Variants in ZNF726 observed in about 807,000 individuals in gnomAD.
ZNF726 encodes the protein zinc finger protein 92 pseudogene 3.
ZNF726 carries 15 observed loss-of-function variants against 11.6 expected under a neutral mutation model. That is an observed-to-expected ratio of 1.29 (90% CI 0.86 to 1.99). ZNF726 has a LOEUF of 1.99. ZNF726 is among the 30% of genes most tolerant of loss of function. The pLI, the probability that ZNF726 is intolerant of heterozygous loss-of-function variation, is 0.00. For synonymous variants in ZNF726, 295 were observed against 243.6 expected (o/e 1.21, Z -1.96); for missense variants, 890 against 725.6 (o/e 1.23, Z -2.60).
At chr19:23,943,006 C>G (rs1968362160) in intron 3 of ZNF726, among the ~76,000 whole-genome samples, 1 of 152,032 alleles carries the variant, frequency 6.6e-6, no homozygotes, top group African/African-American at 2.4e-5. Context: ...TGTCTGCATA[C>G]TTTGGTGTTT....
intron 3 of ZNF726, among the ~76,000 whole-genome samples, chr19:23,926,752 C>T (rs1341217585): frequency 1.3e-5 from 2 of 151,880 alleles, no homozygotes; most frequent in Admixed American, 6.6e-5. Flanking sequence ...GATTATTTGG[C>T]CTTACACAGA....
At chr19:23,940,445 G>T (rs547504951) in intron 3 of ZNF726, among the ~76,000 whole-genome samples, 11 of 152,212 alleles carry the variant, frequency 7.2e-5, no homozygotes, top group Admixed American at 2.0e-4. Context: ...GGTGCCTCGA[G>T]ATTTGTTCTT....
chr19:23,934,186 C>CTACACA lies in ZNF726; in HGVS notation c.*222_*227dup. On this transcript the variant is annotated 3_prime_UTR_variant, in exon 4 of 4. Coordinates refer to ENST00000594466, the MANE Select transcript of ZNF726 (RefSeq NM_001244038.2). The stretch of plus-strand genomic sequence containing the variant: ...AGCTTTTAATCATTCTCAAATCTTA[C>CTACACA]TACACATAAGATAATTCATACTGGA... The CTACACA allele has an allele frequency of 1.2e-6, 1 of 806,690 alleles. No individual in the cohort carries two copies. Among genetic ancestry groups the CTACACA allele is most frequent in the Non-Finnish European group, 2.2e-6 (1 of 463,616 alleles). 50.0% of individuals were successfully genotyped at this position (806,690 alleles called of 1,614,324 possible). A position where few individuals can be genotyped will look rare whatever the true frequency, so the allele number is the denominator to read the frequency against.
At chr19:23,944,684 T>A (rs1168914074) in intron 4 of ZNF726, 5 of 201,948 alleles carry the variant, frequency 2.5e-5, no homozygotes, top group Non-Finnish European at 3.9e-5. Flanking sequence ...CTATTTTTAA[T>A]AATAATATAA....
chr19:23,944,314 A>C (rs1968384483), intron 4 of ZNF726: 1 of 152,222 alleles, frequency 6.6e-6, no homozygotes, highest in Non-Finnish European at 1.5e-5. Context: ...TGCAATAAAC[A>C]TTCAAGTATA....
chr19:23,943,988 A>G (rs1378979354), intron 4 of ZNF726: 2 of 153,664 alleles, frequency 1.3e-5, no homozygotes, highest in Non-Finnish European at 2.9e-5. Context: ...TGATATTAAG[A>G]TTTGTTTCAG....
At chr19:23,919,330 C>T (rs370033665) in intron 1 of ZNF726, 43 bp from the exon 2 acceptor site, 17 of 1,588,690 alleles carry the variant, frequency 1.1e-5, no homozygotes, top group Non-Finnish European at 1.4e-5. Context: ...AAATTCTGCC[C>T]ATAGCCACTT....
In ZNF726 at chr19:23,932,383, G is replaced by A. The variant is rs928781540; in HGVS notation, c.267G>A (p.Gln89=). Residue 89 remains glutamine (Q), a synonymous_variant, in exon 4 of 4, where the codon CAG becomes CAA. Coordinates refer to ENST00000594466, the MANE Select transcript of ZNF726 (RefSeq NM_001244038.2). ...TTGCTCAAGACATTTGGCCAGAGCA[G>A]GGCGTGGAAGATTCTTTTCAAAAAG... is the stretch of plus-strand genomic sequence containing the variant. ...PHFAQDIWPE[Q]GVEDSFQKVI... 1 of 1,503,244 alleles carries A rather than the reference G, an allele frequency of 6.7e-7. No homozygotes were observed. The highest frequency in any genetic ancestry group is 8.8e-7 in the Non-Finnish European group (1 of 1,131,542). 93.1% of individuals were successfully genotyped at this position (1,503,244 alleles called of 1,614,324 possible).
At chr19:23,925,409 G>T (rs961887792) in intron 3 of ZNF726, among the ~76,000 whole-genome samples, 1 of 151,980 alleles carries the variant, frequency 6.6e-6, no homozygotes, top group Non-Finnish European at 1.5e-5. Flanking sequence ...GGTCAGGCTG[G>T]TCTCAAACTC....
chr19:23,932,826 C>T lies in ZNF726; in HGVS notation c.710C>T (p.Ala237Val), dbSNP rs550635996. ...KPYKCEEYGK[A>V]FNQSSNYTTH... ...TACAAATGTGAAGAATATGGCAAAGCTTTTAATCAATCCTCAAATTATACT... is the reference window on the plus strand; with the variant it reads ...TACAAATGTGAAGAATATGGCAAAGTTTTTAATCAATCCTCAAATTATACT... The change falls in exon 4 of 4, where the codon GCT becomes GTT. Residue 237 changes from alanine to valine, a missense_variant. Physicochemically the swap from Ala to Val is moderately conservative, Grantham distance 64. Transcript: ENST00000594466. 1.9e-6 allele frequency: 3 copies of T among 1,607,282 alleles called. No homozygotes were observed. The Admixed American group carries it at 5.1e-5, about 27-fold the overall frequency.
chr19:23,935,272 T>A (rs755481187), downstream of ZNF726: 2 of 486,686 alleles, frequency 4.1e-6, no homozygotes, highest in Non-Finnish European at 8.3e-6. Context: ...CATAAGGTAA[T>A]TCATACTGGA....
At chr19:23,943,525 C>T (rs1373048138) in exon 4 of ZNF726, 8 of 673,308 alleles carry the variant, frequency 1.2e-5, no homozygotes, top group Admixed American at 4.0e-5. Context: ...ATCTGATCTC[C>T]TGCCTTGAGC....
At chr19:23,941,659 G>A (rs905323090) in intron 3 of ZNF726, among the ~76,000 whole-genome samples, 1 of 151,694 alleles carries the variant, frequency 6.6e-6, no homozygotes, top group Admixed American at 6.6e-5. Flanking sequence ...CTTTTTTATT[G>A]GTCTGTTCAG....
At chr19:23,938,306 T>C (rs1219118560), downstream of ZNF726, among the ~76,000 whole-genome samples, 1 of 152,178 alleles carries the variant, frequency 6.6e-6, no homozygotes, top group Non-Finnish European at 1.5e-5. Flanking sequence ...TAGATGTAAA[T>C]AAATTATGGA....
In ZNF726 at chr19:23,933,985, G is replaced by C; in HGVS notation, c.*18G>C. 6.4e-7 allele frequency: 1 copy of C among 1,563,992 alleles called. No individual in the cohort carries two copies. The highest frequency in any genetic ancestry group is 8.7e-7 in the Non-Finnish European group (1 of 1,152,570). ...ATACTTGAGAGAAACCTTAAAAAGGGTAAAGAATGTGGCAAAGCATTTATA... is the reference window on the plus strand; with the variant it reads ...ATACTTGAGAGAAACCTTAAAAAGGCTAAAGAATGTGGCAAAGCATTTATA... On this transcript the variant is annotated 3_prime_UTR_variant, in exon 4 of 4. Coordinates refer to ENST00000594466, the MANE Select transcript of ZNF726 (RefSeq NM_001244038.2).
chr19:23,918,052 G>A (rs1365858271), intron 1 of ZNF726, among the ~76,000 whole-genome samples: 1 of 152,174 alleles, frequency 6.6e-6, no homozygotes, highest in Admixed American at 6.5e-5. Flanking sequence ...GAAAAGTGCA[G>A]GAATGCGGTT....
intron 3 of ZNF726, among the ~76,000 whole-genome samples, chr19:23,922,020 C>T (rs556439121): frequency 2.0e-4 from 30 of 152,284 alleles, no homozygotes; most frequent in East Asian, 7.7e-4. Flanking sequence ...AATCTATTTT[C>T]GTTGTACCCC....
Position 23,932,520 on chromosome 19 carries a change from A to G in ZNF726, c.404A>G (p.Gln135Arg). 1 of 1,585,498 alleles carries G rather than the reference A, an allele frequency of 6.3e-7. No homozygotes were observed. The highest frequency in any genetic ancestry group is 8.5e-7 in the Non-Finnish European group (1 of 1,171,242). ...AAAGAAGGTTATAATGGACTTAACC[A>G]GTGTTTCACAACTACCCAGGGCAAA... ...VHKEGYNGLN[Q>R]CFTTTQGKAS... is the part of the protein sequence containing the mutation. Residue 135 changes from glutamine to arginine, a missense_variant, in exon 4 of 4, where the codon CAG becomes CGG. Coordinates refer to ENST00000594466, the MANE Select transcript of ZNF726 (RefSeq NM_001244038.2).
intron 3 of ZNF726, among the ~76,000 whole-genome samples, chr19:23,924,780 C>A (rs1967942654): frequency 6.6e-6 from 1 of 151,906 alleles, no homozygotes; most frequent in African/African-American, 2.4e-5. Context: ...GTGGTCCCAG[C>A]TACTTGAGAG....
Sources: gnomAD v4.1 joint callset for allele counts (sites outside exome capture counted in the v4.1 genomes callset) on GRCh38, gnomAD v4.1.1 for gene constraint, MANE v1.5 for transcripts, NCBI Gene and HGNC (gene_info 2026-07-23, HGNC 2026-07-21) for gene names.